The following TMEM131 variants were observed in gnomAD, a reference collection of about 807,000 sequenced individuals.
TMEM131 encodes the protein 2610524E03Rik.
In TMEM131, 66 loss-of-function variants were observed where a neutral mutation model predicts 211.6. The ratio of observed to expected loss-of-function variants is 0.31; its 90% CI spans 0.26 to 0.38. The LOEUF (loss-of-function observed/expected upper bound fraction) is 0.38. Among genes scored for constraint, TMEM131 ranks in the 10% least tolerant of loss-of-function variants. The pLI is 1.00. For synonymous variants in TMEM131, 844 were observed against 841.3 expected (o/e 1.00, Z -0.06); for missense variants, 2,036 against 2,299.3 (o/e 0.89, Z 2.34).
rs759717288 is a variant in TMEM131, at chr2:97,792,508, C to G, written c.4022G>C (p.Ser1341Thr). 31 of 1,613,542 alleles carry G rather than the reference C, an allele frequency of 1.9e-5. No homozygotes were observed. ...ACTGGTGATGTCCGAGTCCTCGGAA[C>G]TGTGCCTCGCGCTGCTGGCACGTTC... ...HPERASSARHSSEDSDITSLI... is the reference protein window; with the variant it reads ...HPERASSARHTSEDSDITSLI... The change falls in exon 31 of 41, where the codon AGT becomes ACT. Residue 1341 changes from serine (S) to threonine (T), a missense_variant. By Grantham distance (58) the Ser-to-Thr change is moderately conservative (BLOSUM62 1). Around this residue, in one of 3 missense-constraint regions of TMEM131, gnomAD observed 1,623 missense variants for 1,805.9 expected, o/e 0.90. Transcript: ENST00000186436.
In TMEM131 at chr2:97,792,705, T is replaced by C; in HGVS notation, c.3825A>G (p.Thr1275=). Residue 1275 remains threonine (T), a synonymous_variant, in exon 31 of 41, where the codon ACA becomes ACG. Coordinates refer to ENST00000186436, the MANE Select transcript of TMEM131 (RefSeq NM_015348.2). ...TTGCCCCTTTGGACTTTCTGCCCGC[T>C]GTATGACCTTGAGTCACTGTGTTCG... ...LDSNTVTQGH[T]AGRKSKGAKQ... 1 of 1,614,046 alleles carries C rather than the reference T, an allele frequency of 6.2e-7. No homozygotes were observed. Among genetic ancestry groups the C allele is most frequent in the Non-Finnish European group, 8.5e-7 (1 of 1,179,892 alleles).
chr2:97,943,454 T>A (rs1677894267), intron 1 of TMEM131, among the ~76,000 whole-genome samples: 1 of 152,212 alleles, frequency 6.6e-6, no homozygotes, highest in Admixed American at 6.5e-5. Flanking sequence ...CAAAGGATTA[T>A]ACATCTCGAA....
intron 18 of TMEM131, among the ~76,000 whole-genome samples, chr2:97,810,668 T>G (rs757892446): frequency 1.1e-4 from 17 of 152,194 alleles, no homozygotes; most frequent in Non-Finnish European, 1.8e-4. Flanking sequence ...CTTAGTAACC[T>G]TTAGTCCCTT....
intron 4 of TMEM131, among the ~76,000 whole-genome samples, chr2:97,877,511 T>C (rs999861853): frequency 6.6e-6 from 1 of 152,102 alleles, no homozygotes; most frequent in Non-Finnish European, 1.5e-5. Context: ...AACAGATATA[T>C]AGACCAACGG....
chr2:97,892,528 TTTA>T (rs1283873084), intron 3 of TMEM131, among the ~76,000 whole-genome samples: 1 of 152,046 alleles, frequency 6.6e-6, no homozygotes, highest in East Asian at 1.9e-4. Context: ...AACTAGCTAA[TTTA>T]TTATTATTTT....
At chr2:97,957,388 T>C (rs545359653) in intron 1 of TMEM131, among the ~76,000 whole-genome samples, 2 of 152,348 alleles carry the variant, frequency 1.3e-5, no homozygotes, top group South Asian at 4.1e-4. Flanking sequence ...TTTGACTACA[T>C]ACATATGAAA....
At chr2:97,884,233 T>C (rs1010130973) in intron 4 of TMEM131, among the ~76,000 whole-genome samples, 1 of 152,220 alleles carries the variant, frequency 6.6e-6, no homozygotes, top group African/African-American at 2.4e-5. Flanking sequence ...TAGTTTTGAA[T>C]GTTCCTCTTG....
Position 97,757,057 on chromosome 2 carries a change from T to G in TMEM131, c.*42A>C. The G allele has an allele frequency of 6.5e-7, 1 of 1,530,318 alleles. No individual in the cohort carries two copies. The highest frequency in any genetic ancestry group is 8.8e-7 in the Non-Finnish European group (1 of 1,136,278). 94.8% of individuals were successfully genotyped at this position (1,530,318 alleles called of 1,614,324 possible). ...TGTCTCAGAAACTGGCACATCATGATCTAGACGAGGGCCCACTATGTTTGT... is the reference window on the plus strand; with the variant it reads ...TGTCTCAGAAACTGGCACATCATGAGCTAGACGAGGGCCCACTATGTTTGT... On this transcript the variant is annotated 3_prime_UTR_variant, in exon 41 of 41. Transcript: ENST00000186436.
intron 30 of TMEM131, 186 bp from the exon 31 acceptor site, chr2:97,793,170 T>C (rs1680586374): frequency 6.3e-6 from 4 of 639,828 alleles, no homozygotes; most frequent in Non-Finnish European, 5.2e-6. Context: ...TAATTTACCA[T>C]CAGTGATCTA....
chr2:97,808,527 T>A (rs1483435916), intron 19 of TMEM131, among the ~76,000 whole-genome samples: 2 of 152,122 alleles, frequency 1.3e-5, no homozygotes, highest in African/African-American at 4.8e-5. Context: ...CTCCTCCCCA[T>A]ACTTGTTTCA....
intron 2 of TMEM131, among the ~76,000 whole-genome samples, chr2:97,917,745 G>C (rs1050976818): frequency 6.6e-6 from 1 of 152,138 alleles, no homozygotes; most frequent in Non-Finnish European, 1.5e-5. Flanking sequence ...CACAAGAACA[G>C]CATGGGAGTA....
chr2:97,822,632 G>C (rs571028013), intron 11 of TMEM131, among the ~76,000 whole-genome samples: 2 of 152,148 alleles, frequency 1.3e-5, no homozygotes, highest in Non-Finnish European at 2.9e-5. Flanking sequence ...TTTCGAGAAT[G>C]TGTTGGTAAG....
chr2:97,757,817 G>A (rs1678582345), intron 40 of TMEM131, among the ~76,000 whole-genome samples: 1 of 152,268 alleles, frequency 6.6e-6, no homozygotes. Context: ...CAATGGCAGT[G>A]GTGAAGCATG....
chr2:97,913,867 C>T (rs1676394539), intron 2 of TMEM131, among the ~76,000 whole-genome samples: 1 of 152,150 alleles, frequency 6.6e-6, no homozygotes, highest in South Asian at 2.1e-4. Flanking sequence ...GTATTACTTA[C>T]ATACTGGGCA....
chr2:97,901,396 G>T (rs1256265044), intron 3 of TMEM131, among the ~76,000 whole-genome samples: 3 of 151,792 alleles, frequency 2.0e-5, no homozygotes, highest in Non-Finnish European at 2.9e-5. Flanking sequence ...TTTGTATATG[G>T]TGAGAGATAA....
intron 1 of TMEM131, among the ~76,000 whole-genome samples, chr2:97,982,299 C>T (rs537379530): frequency 7.2e-5 from 11 of 152,156 alleles, no homozygotes; most frequent in East Asian, 1.9e-4. Flanking sequence ...TCTTTTCATA[C>T]GTTTATTATA....
rs1365427248 is a variant in TMEM131 at position 97,947,899 on chromosome 2, T to C, written c.188-20412A>G. Among the ~76,000 whole-genome samples, 3 of 152,296 alleles carry C rather than the reference T, an allele frequency of 2.0e-5. No homozygotes were observed. In the East Asian group the frequency reaches 5.8e-4, roughly 29 times the overall value. ...GACCCCCACATATATGGTCAACTGA[T>C]TGCAACAGGGTGCCAAGGCAATTCA... On this transcript the variant is annotated intron_variant, in intron 1 of 40. Coordinates refer to ENST00000186436, the MANE Select transcript of TMEM131 (RefSeq NM_015348.2).
chr2:97,969,587 A>T (rs1398243088), intron 1 of TMEM131, among the ~76,000 whole-genome samples: 2 of 152,224 alleles, frequency 1.3e-5, no homozygotes, highest in Non-Finnish European at 2.9e-5. Flanking sequence ...TTGTCTTCCC[A>T]GGCTACTATT....
intron 1 of TMEM131, among the ~76,000 whole-genome samples, chr2:97,943,016 GA>G (rs11353339): frequency 0.49 from 50,679 of 102,748 alleles, 13,747 homozygotes; most frequent in African/African-American, 0.65. Context: ...AGAAAGAAAA[GA>G]AAAGAAAAGA....
Sources: gnomAD v4.1 joint callset for allele counts (sites outside exome capture counted in the v4.1 genomes callset) on GRCh38, gnomAD v4.1.1 for gene constraint, gnomAD v4.1.1 regional missense constraint, MANE v1.5 for transcripts, NCBI Gene and HGNC (gene_info 2026-07-23, HGNC 2026-07-21) for gene names.